The following F13A1 variants were observed in gnomAD, a reference collection of about 807,000 sequenced individuals.
F13A1 encodes the protein FSF, A subunit.
A neutral mutation model predicts 80.1 loss-of-function variants in F13A1; 47 were observed. The observed-to-expected ratio is 0.59, with a 90% CI of 0.46 to 0.75. The LOEUF is 0.75. Ranked by LOEUF, F13A1 falls within the 30% of genes least tolerant of loss-of-function variation. The pLI is 0.00. For missense variants in F13A1, 817 were observed against 930.4 expected (o/e 0.88, Z 1.59); for synonymous variants, 349 against 344.9 (o/e 1.01, Z -0.13).
chr6:6,289,632 A>G (rs954057829), intron 3 of F13A1, among the ~76,000 whole-genome samples: 2 of 152,040 alleles, frequency 1.3e-5, no homozygotes, highest in Non-Finnish European at 2.9e-5. Flanking sequence ...CGGTCCTCCA[A>G]TTTATCTTCC....
chr6:6,304,659 C>T (rs1214408829), intron 3 of F13A1, among the ~76,000 whole-genome samples: 2 of 151,870 alleles, frequency 1.3e-5, no homozygotes, highest in African/African-American at 2.4e-5. Flanking sequence ...GTTAGGAGTG[C>T]GAAACCAGCC....
chr6:6,304,549 G>A (rs1758483236), intron 3 of F13A1, among the ~76,000 whole-genome samples: 1 of 152,120 alleles, frequency 6.6e-6, no homozygotes, highest in South Asian at 2.1e-4. Flanking sequence ...TGAAGCTAAT[G>A]TGCATCGTTA....
At chr6:6,267,290 C>T (rs976866033) in intron 3 of F13A1, among the ~76,000 whole-genome samples, 5 of 152,128 alleles carry the variant, frequency 3.3e-5, no homozygotes, top group Non-Finnish European at 7.4e-5. Flanking sequence ...TTATACCACT[C>T]AGAATGAATA....
At chr6:6,213,616 T>G (rs1240388540) in intron 8 of F13A1, among the ~76,000 whole-genome samples, 3 of 146,332 alleles carry the variant, frequency 2.1e-5, no homozygotes, top group Non-Finnish European at 3.0e-5. Flanking sequence ...AGAAACTGCA[T>G]CAACTAACGA....
intron 3 of F13A1, among the ~76,000 whole-genome samples, chr6:6,292,831 GCA>G (rs1418740057): frequency 2.0e-5 from 3 of 152,166 alleles, no homozygotes; most frequent in Non-Finnish European, 4.4e-5. Flanking sequence ...GGGATGCCCA[GCA>G]CACATGACTG....
chr6:6,275,683 A>T (rs1351084181), intron 3 of F13A1, among the ~76,000 whole-genome samples: 1 of 152,178 alleles, frequency 6.6e-6, no homozygotes, highest in Non-Finnish European at 1.5e-5. Context: ...GCACTGTTTT[A>T]AGTGAGATAC....
chr6:6,311,336 A>T (rs1252664053), intron 2 of F13A1, among the ~76,000 whole-genome samples: 3 of 152,158 alleles, frequency 2.0e-5, no homozygotes, highest in Non-Finnish European at 4.4e-5. Context: ...TTCTCAAAAT[A>T]TGCTAGTTTC....
chr6:6,160,101 AC>A (rs1219097747), intron 13 of F13A1, among the ~76,000 whole-genome samples: 1 of 151,582 alleles, frequency 6.6e-6, no homozygotes, highest in Non-Finnish European at 1.5e-5. Context: ...ACGTGGTGAA[AC>A]CCTGTCTCTA....
intron 6 of F13A1, among the ~76,000 whole-genome samples, chr6:6,240,721 T>G (rs3851509): frequency 6.6e-6 from 1 of 152,194 alleles, no homozygotes; most frequent in Non-Finnish European, 1.5e-5. Flanking sequence ...GTCAATTTTT[T>G]AAAAATCTTC....
chr6:6,298,753 A>T (rs1025318692), intron 3 of F13A1, among the ~76,000 whole-genome samples: 14 of 149,636 alleles, frequency 9.4e-5, no homozygotes, highest in Non-Finnish European at 1.5e-4. Context: ...TTTACATTCA[A>T]AGTTAATATT....
intron 3 of F13A1, among the ~76,000 whole-genome samples, chr6:6,293,464 T>C (rs1758261247): frequency 6.6e-6 from 1 of 151,918 alleles, no homozygotes; most frequent in African/African-American, 2.4e-5. Flanking sequence ...GAGAAGGCCC[T>C]GCAGACTCCC....
chr6:6,217,346 C>T (rs1757108614), intron 8 of F13A1, among the ~76,000 whole-genome samples: 3 of 145,066 alleles, frequency 2.1e-5, no homozygotes, highest in African/African-American at 8.2e-5. Context: ...TACTATGCAG[C>T]CATAAAAAAT....
At chr6:6,166,882 C>T (rs943718004) in intron 13 of F13A1, among the ~76,000 whole-genome samples, 4 of 152,144 alleles carry the variant, frequency 2.6e-5, no homozygotes, top group Non-Finnish European at 5.9e-5. Context: ...TGGTGATAGT[C>T]TAGGGGGTTA....
At chr6:6,271,601 TC>T (rs1757923023) in intron 3 of F13A1, among the ~76,000 whole-genome samples, 1 of 152,226 alleles carries the variant, frequency 6.6e-6, no homozygotes, top group Non-Finnish European at 1.5e-5. Flanking sequence ...AAGAAAGGAA[TC>T]CCGTTTTGTT....
intron 6 of F13A1, among the ~76,000 whole-genome samples, chr6:6,229,382 G>A (rs542594930): frequency 2.0e-5 from 3 of 152,136 alleles, no homozygotes; most frequent in African/African-American, 4.8e-5. Flanking sequence ...ATTATAAACT[G>A]CAAGAAACAG....
At chr6:6,234,599 G>T (rs1757392159) in intron 6 of F13A1, among the ~76,000 whole-genome samples, 1 of 151,964 alleles carries the variant, frequency 6.6e-6, no homozygotes, top group Admixed American at 6.6e-5. Flanking sequence ...AAAAAAGATA[G>T]GAGAAAGAGG....
At chr6:6,225,769 T>C (rs1757268734) in intron 6 of F13A1, among the ~76,000 whole-genome samples, 1 of 152,138 alleles carries the variant, frequency 6.6e-6, no homozygotes, top group African/African-American at 2.4e-5. Context: ...TTCCAAAGAG[T>C]TGGAATTACA....
chr6:6,192,526 T>C (rs771475682), intron 10 of F13A1, among the ~76,000 whole-genome samples: 1 of 152,232 alleles, frequency 6.6e-6, no homozygotes, highest in Non-Finnish European at 1.5e-5. Flanking sequence ...AAGTTTTGTA[T>C]GCTATTTGAA....
intron 13 of F13A1, among the ~76,000 whole-genome samples, chr6:6,155,975 C>T (rs142285950): frequency 5.9e-5 from 9 of 152,116 alleles, no homozygotes; most frequent in South Asian, 2.1e-4. Context: ...TAAAGGGAGC[C>T]TTCAGGCAAT....
Sources: allele counts gnomAD v4.1 joint callset (sites outside exome capture counted in the v4.1 genomes callset), GRCh38; gene constraint gnomAD v4.1.1; transcripts MANE v1.5; gene names NCBI Gene and HGNC (gene_info 2026-07-23, HGNC 2026-07-21).